Variants in PXN observed in about 807,000 individuals in gnomAD.
PXN encodes testicular tissue protein Li 134.
Under a neutral mutation model 103.6 loss-of-function variants are expected in PXN, and 61 were observed. That is an observed-to-expected ratio of 0.59 (90% confidence interval 0.48 to 0.73). PXN has a LOEUF of 0.73. Ranked by LOEUF, PXN falls within the 30% of genes least tolerant of loss-of-function variation. The probability of loss-of-function intolerance (pLI) is 0.00; values close to 1 mark genes in which losing one functional copy is unlikely to be tolerated. For missense variants in PXN, 1,274 were observed against 1,460.3 expected (o/e 0.87, Z 2.08); for synonymous variants, 562 against 607.8 (o/e 0.92, Z 1.11).
At chr12:120,237,311 A>G (rs774307120) in intron 1 of PXN, among the ~76,000 whole-genome samples, 10 of 152,048 alleles carry the variant, frequency 6.6e-5, no homozygotes, top group Non-Finnish European at 1.3e-4. Context: ...AGCATGTGCC[A>G]ACACGCCCTG....
Position 120,216,452 on chromosome 12 carries a change from G to A in PXN, c.2122C>T (p.Leu708Phe). The A allele has an allele frequency of 7.3e-7, 1 of 1,377,738 alleles. No individual in the cohort carries two copies. 85.3% of individuals were successfully genotyped at this position (1,377,738 alleles called of 1,614,324 possible). Reference protein sequence around the residue: ...ASSSSPLPSLLASSPLGPSAY... With the variant: ...ASSSSPLPSLFASSPLGPSAY... ...GAGGGCCCCAGGGGGGAGGAGGCGA[G>A]CAGGCTGGGCAGGGGAGAAGAGCTG... Residue 708 changes from leucine to phenylalanine, a missense_variant, in exon 9 of 15, where the codon CTC becomes TTC. Around this residue, in one of 2 missense-constraint regions of PXN, gnomAD observed 1,178 missense variants for 1,309.0 expected, o/e 0.90. Coordinates refer to ENST00000637617, the MANE Select transcript of PXN (RefSeq NM_001385981.1). This position sits in a 1 kb window ranked among gnomAD's most constrained non-coding sequence, Gnocchi z 5.1.
At chr12:120,256,558 G>C (rs1005900058) in intron 1 of PXN, among the ~76,000 whole-genome samples, 16 of 151,894 alleles carry the variant, frequency 1.1e-4, no homozygotes, top group Admixed American at 1.1e-3. Context: ...AAAGGGGGTA[G>C]AAAGATGGGG....
In PXN at chr12:120,239,497, G is replaced by A. The variant is rs536580578; in HGVS notation, c.14-15120C>T. Among the ~76,000 whole-genome samples the A allele has an allele frequency of 5.7e-4, 87 of 152,216 alleles. 1 individual carries two copies. The South Asian group carries it at 0.011, about 20-fold the overall frequency. On this transcript the variant is annotated intron_variant, in intron 1 of 14. Coordinates refer to ENST00000637617, the MANE Select transcript of PXN (RefSeq NM_001385981.1). ...CTCGGGAGGCTGAGGCAGGAGAATC[G>A]CTTGAACCCAGGAGGCGGAGGTTGC...
chr12:120,212,839 C>A lies in PXN; in HGVS notation c.2980-259G>T. On this transcript the variant is annotated intron_variant, in intron 14 of 14. Coordinates refer to ENST00000637617, the MANE Select transcript of PXN (RefSeq NM_001385981.1). The surrounding 1 kb of genome is among the most constrained non-coding windows in gnomAD (Gnocchi z 7.2). ...CCTGCAATCCTCCCACCTCGGCCTC[C>A]CACAGGGCTGGGATTATTTAGTTCT... 1 of 384,470 alleles carries A rather than the reference C, an allele frequency of 2.6e-6. No homozygotes were observed. The highest frequency in any genetic ancestry group is 4.4e-5 in the South Asian group (1 of 22,594). The allele number at this position is 384,470 out of a possible 1,614,324, so 23.8% of individuals were successfully genotyped here. A position where few individuals can be genotyped will look rare whatever the true frequency, so the allele number is the denominator to read the frequency against.
At chr12:120,259,569 C>A (rs1443535432) in intron 1 of PXN, among the ~76,000 whole-genome samples, 1 of 152,170 alleles carries the variant, frequency 6.6e-6, no homozygotes, top group African/African-American at 2.4e-5. Flanking sequence ...CACTGGGGTT[C>A]CACTGGGCCT....
chr12:120,253,514 T>A (rs1464201265), intron 1 of PXN, among the ~76,000 whole-genome samples: 2 of 152,136 alleles, frequency 1.3e-5, no homozygotes, highest in Non-Finnish European at 2.9e-5. Context: ...ACCGGGCTAG[T>A]TGTGGGAAGA....
In PXN at chr12:120,222,398, G is replaced by A; in HGVS notation, c.695+151C>T. 1 of 896,164 alleles carries A rather than the reference G, an allele frequency of 1.1e-6. No individual in the cohort carries two copies. Among genetic ancestry groups the A allele is most frequent in the Middle Eastern group, 3.6e-4 (1 of 2,808 alleles). The allele number at this position is 896,164 out of a possible 1,614,324, so 55.5% of individuals were successfully genotyped here. A position where few individuals can be genotyped will look rare whatever the true frequency, so the allele number is the denominator to read the frequency against. ...GTGACTGGCTGAAGGCAGGGATGGT[G>A]TCCATGTGACTCACCACTATCCCCC... On this transcript the variant is annotated intron_variant, in intron 5 of 14. Coordinates refer to ENST00000637617, the MANE Select transcript of PXN (RefSeq NM_001385981.1). The surrounding 1 kb of genome is among the most constrained non-coding windows in gnomAD (Gnocchi z 4.7).
Position 120,222,501 on chromosome 12 carries a change from G to T in PXN, c.695+48C>A. On this transcript the variant is annotated intron_variant, in intron 5 of 14. Coordinates refer to ENST00000637617, the MANE Select transcript of PXN (RefSeq NM_001385981.1). This position sits in a 1 kb window ranked among gnomAD's most constrained non-coding sequence, Gnocchi z 4.7. ...GGGGACAGACACTGGACCCGGGGCA[G>T]GCTGGGCCAGCCCTTCCCCACCTGG... 6.5e-7 allele frequency: 1 copy of T among 1,533,984 alleles called. No homozygotes were observed. Among genetic ancestry groups the T allele is most frequent in the Admixed American group, 2.1e-5 (1 of 48,498 alleles).
intron 1 of PXN, among the ~76,000 whole-genome samples, chr12:120,241,697 T>G (rs1040411786): frequency 6.6e-6 from 1 of 152,074 alleles, no homozygotes; most frequent in Admixed American, 6.6e-5. Flanking sequence ...CCTGGGAAAG[T>G]GCCCAGACAG....
intron 3 of PXN, among the ~76,000 whole-genome samples, chr12:120,223,425 G>C (rs543666544): frequency 3.3e-5 from 5 of 151,756 alleles, no homozygotes; most frequent in African/African-American, 1.2e-4. Flanking sequence ...CAGAGTGACA[G>C]AGCGAGACCC....
At chr12:120,223,271 G>A (rs1164876069) in intron 3 of PXN, among the ~76,000 whole-genome samples, 2 of 151,810 alleles carry the variant, frequency 1.3e-5, no homozygotes, top group Non-Finnish European at 2.9e-5. Context: ...GTGAAACCCC[G>A]TCTCTACTAA....
At chr12:120,261,211 T>G (rs991794183) in intron 1 of PXN, among the ~76,000 whole-genome samples, 3 of 152,140 alleles carry the variant, frequency 2.0e-5, no homozygotes, top group African/African-American at 7.2e-5. Context: ...CTGTAAACAC[T>G]GTAAAAAAGA....
intron 7 of PXN, among the ~76,000 whole-genome samples, chr12:120,218,541 T>A (rs1327687701): frequency 6.6e-6 from 1 of 152,122 alleles, no homozygotes; most frequent in East Asian, 1.9e-4. Flanking sequence ...GCCCAGCTAA[T>A]CTTTTTGTAT....
chr12:120,236,322 C>T (rs1889030207), intron 1 of PXN, among the ~76,000 whole-genome samples: 1 of 151,932 alleles, frequency 6.6e-6, no homozygotes. Flanking sequence ...TGATTTTTTT[C>T]TTTTTTTGAG....
At chr12:120,247,227 T>C (rs1308233914) in intron 1 of PXN, among the ~76,000 whole-genome samples, 1 of 152,196 alleles carries the variant, frequency 6.6e-6, no homozygotes, top group Admixed American at 6.6e-5. Flanking sequence ...ATACATGCTA[T>C]CTACAAGAAA....
rs184763384 is a variant in PXN, at chr12:120,250,154, C to T, written c.13+15463G>A. 167 of 985,710 alleles carry T rather than the reference C, an allele frequency of 1.7e-4. No individual in the cohort carries two copies. In the Middle Eastern group the frequency reaches 5.2e-3, roughly 31 times the overall value. 61.1% of individuals were successfully genotyped at this position (985,710 alleles called of 1,614,324 possible). A position where few individuals can be genotyped will look rare whatever the true frequency, so the allele number is the denominator to read the frequency against. ...GCCGGCCAGCCGAGCCAGGAGTACA[C>T]AGGGGAAATGGCAAATCCAGAGGAA... On this transcript the variant is annotated intron_variant, in intron 1 of 14. Transcript: ENST00000637617.
intron 1 of PXN, among the ~76,000 whole-genome samples, chr12:120,244,607 C>G (rs1259744970): frequency 5.3e-4 from 79 of 150,310 alleles, no homozygotes; most frequent in African/African-American, 1.8e-3. Flanking sequence ...GAGATCGCAC[C>G]ACTGCACTCC....
At position 120,215,585 on chromosome 12, in the gene PXN, C is replaced by T. The variant is rs1882578861; in HGVS notation, c.2378G>A (p.Ser793Asn). 1 of 1,606,142 alleles carries T rather than the reference C, an allele frequency of 6.2e-7. No individual in the cohort carries two copies. Among genetic ancestry groups the T allele is most frequent in the African/African-American group, 1.3e-5 (1 of 74,736 alleles). ...CCCTCCCTCGTCCTGCCCTCCGGGG[C>T]TGCTCCGCCCGCCGTCCCGAGGCCA... ...AGWPRDGGRS[S>N]PGGQDEGGFM... The change falls in exon 10 of 15, where the codon AGC becomes AAC. Residue 793 changes from serine (S) to asparagine (N), a missense_variant. Physicochemically the swap from Ser to Asn is conservative, Grantham distance 46. Coordinates refer to ENST00000637617, the MANE Select transcript of PXN (RefSeq NM_001385981.1). This position sits in a 1 kb window ranked among gnomAD's most constrained non-coding sequence, Gnocchi z 4.9.
chr12:120,218,361 G>T (rs115210479), intron 7 of PXN, among the ~76,000 whole-genome samples: 4,053 of 151,918 alleles, frequency 0.027, 216 homozygotes, highest in African/African-American at 0.093. Flanking sequence ...AAAGTTTTTT[G>T]TTGTTGTTGT....
Sources: gnomAD v4.1 joint callset for allele counts (sites outside exome capture counted in the v4.1 genomes callset) on GRCh38, gnomAD v4.1.1 for gene constraint, gnomAD v4.1.1 regional missense constraint, Gnocchi (gnomAD v3.1) non-coding constraint, MANE v1.5 for transcripts, NCBI Gene and HGNC (gene_info 2026-07-23, HGNC 2026-07-21) for gene names.